The following DNAH5 variants were observed in gnomAD, a reference collection of about 807,000 sequenced individuals.
DNAH5 encodes dynein axonemal heavy chain 5.
In DNAH5, 372 loss-of-function variants were observed where a neutral mutation model predicts 518.2. The ratio of observed to expected loss-of-function variants is 0.72; its 90% CI spans 0.66 to 0.78. DNAH5 has a LOEUF of 0.78. Among genes scored for constraint, DNAH5 ranks in the 30% least tolerant of loss-of-function variants. The pLI is 0.00. For synonymous variants in DNAH5, 2,039 were observed against 2,025.9 expected, an observed-to-expected ratio of 1.01 and a Z score of -0.17; for missense variants, 5,523 against 5,687.0, an observed-to-expected ratio of 0.97 and a Z score of 0.93.
intron 47 of DNAH5, among the ~76,000 whole-genome samples, chr5:13,804,110 T>A (rs1332071216): frequency 6.6e-6 from 1 of 152,160 alleles, no homozygotes; most frequent in African/African-American, 2.4e-5. Flanking sequence ...TTAATATTAG[T>A]TCGGGGGGAA....
chr5:13,883,960 A>T (rs987192088), intron 19 of DNAH5, among the ~76,000 whole-genome samples: 20 of 152,146 alleles, frequency 1.3e-4, no homozygotes, highest in African/African-American at 4.8e-4. Flanking sequence ...ATATTTAAAA[A>T]TTTTATTATC....
rs925419982 is a variant in DNAH5 at position 13,708,105 on chromosome 5, C to A, written c.13338+18G>T. 6.2e-7 allele frequency: 1 copy of A among 1,612,698 alleles called. No individual in the cohort carries two copies. Among genetic ancestry groups the A allele is most frequent in the Non-Finnish European group, 8.5e-7 (1 of 1,178,768 alleles). ...AATCATAAGTGAACAGGCAGAATAA[C>A]AGCAGGCTTATACGTACTTTTTTCC... is the stretch of plus-strand genomic sequence containing the variant. On this transcript the variant is annotated intron_variant, in intron 76 of 78. Coordinates refer to ENST00000265104, the MANE Select transcript of DNAH5 (RefSeq NM_001369.3).
At chr5:13,741,471 T>G (rs537685159) in intron 65 of DNAH5, among the ~76,000 whole-genome samples, 1 of 152,198 alleles carries the variant, frequency 6.6e-6, no homozygotes, top group East Asian at 1.9e-4. Context: ...GAAAGCTCCC[T>G]TAGTGGTTAT....
At chr5:13,778,144 A>T (rs887289705) in intron 53 of DNAH5, among the ~76,000 whole-genome samples, 4 of 152,180 alleles carry the variant, frequency 2.6e-5, no homozygotes, top group African/African-American at 4.8e-5. Flanking sequence ...CTGATTTTTT[A>T]AAAACTAGTG....
chr5:13,771,879 G>A (rs1484214324), intron 55 of DNAH5, among the ~76,000 whole-genome samples: 1 of 152,120 alleles, frequency 6.6e-6, no homozygotes, highest in Non-Finnish European at 1.5e-5. Context: ...GGCTTAAAAA[G>A]GCAAAGACAT....
chr5:13,950,293 T>G (rs1300058986), intron 1 of DNAH5, among the ~76,000 whole-genome samples: 1 of 152,172 alleles, frequency 6.6e-6, no homozygotes, highest in Non-Finnish European at 1.5e-5. Flanking sequence ...TACTTGTATT[T>G]TTTTTTTGAG....
At chr5:13,726,790 T>C (rs1365612732) in intron 70 of DNAH5, among the ~76,000 whole-genome samples, 1 of 152,210 alleles carries the variant, frequency 6.6e-6, no homozygotes, top group Non-Finnish European at 1.5e-5. Context: ...ATATCTTACA[T>C]TCTATTATAA....
Position 13,814,696 on chromosome 5 carries a change from T to A in DNAH5, c.7139A>T (p.His2380Leu). 1.2e-6 allele frequency: 2 copies of A among 1,614,104 alleles called. No homozygotes were observed. The highest frequency in any genetic ancestry group is 1.7e-6 in the Non-Finnish European group (2 of 1,179,982). The change falls in exon 43 of 79, where the codon CAT becomes CTT. Residue 2380 changes from histidine to leucine, a missense_variant. Coordinates refer to ENST00000265104, the MANE Select transcript of DNAH5 (RefSeq NM_001369.3). ...APNCKIIFEP[H>L]NIDNASPATV... ...GGCAGGAGAAGCATTGTCAATGTTA[T>A]GAGGCTCGAAAATGATCTTGCAGTT...
chr5:13,842,443 G>GAAAGAAAGAA (rs1765354810), intron 32 of DNAH5, among the ~76,000 whole-genome samples: 1 of 93,006 alleles, frequency 1.1e-5, no homozygotes, highest in Non-Finnish European at 2.2e-5. Context: ...AAGAAAGAAA[G>GAAAGAAAGAA]AAAGAAAGAA....
rs758724681 is a variant in DNAH5, at chr5:13,768,949, CAT to C, written c.9897+9_9897+10del. The C allele has an allele frequency of 1.2e-6, 2 of 1,614,110 alleles. No individual in the cohort carries two copies. The highest frequency in any genetic ancestry group is 2.2e-5 in the South Asian group (2 of 91,088). On this transcript the variant is annotated intron_variant, in intron 58 of 78. Coordinates refer to ENST00000265104, the MANE Select transcript of DNAH5 (RefSeq NM_001369.3). ...CCTAAAGCTGACATCTGTTATATCA[CAT>C]AGATGCACCTGCAATGCAGCTTCTG... is the stretch of plus-strand genomic sequence containing the variant.
At chr5:13,884,851 A>C (rs10866504) in intron 19 of DNAH5, 138 bp downstream of exon 19, 1 of 1,358,074 alleles carries the variant, frequency 7.4e-7, no homozygotes, top group Non-Finnish European at 9.9e-7. Flanking sequence ...ATAAAAATTT[A>C]AAAAAAGATG....
Position 13,862,860 on chromosome 5 carries a change from A to ATAAATATG in DNAH5, c.4597-114_4597-113insCATATTTA, listed in dbSNP as rs1554081834. ...TTGCTTCATATATATATAAATATAT[A>ATAAATATG]TATAAACTTTTATATTTCCAGACCT... On this transcript the variant is annotated intron_variant, in intron 28 of 78. Transcript: ENST00000265104. 1.7e-5 allele frequency: 5 copies of ATAAATATG among 292,956 alleles called. No homozygotes were observed. In the Admixed American group the frequency reaches 2.6e-4, roughly 15 times the overall value. 18.1% of individuals were successfully genotyped at this position (292,956 alleles called of 1,614,324 possible). A position where few individuals can be genotyped will look rare whatever the true frequency, so the allele number is the denominator to read the frequency against.
In DNAH5 at chr5:13,776,686, T is replaced by A; in HGVS notation, c.9126A>T (p.Arg3042=). 6.2e-7 allele frequency: 1 copy of A among 1,613,728 alleles called. No individual in the cohort carries two copies. Among genetic ancestry groups the A allele is most frequent in the South Asian group, 1.1e-5 (1 of 91,076 alleles). Residue 3042 remains arginine, a synonymous_variant, in exon 55 of 79, where the codon CGA becomes CGT. Transcript: ENST00000265104. ...CGCTATTAATTTCATCAATTTCATCTCGAGCAAATAGGTTAGAGACCTTAA... is the reference window on the plus strand; with the variant it reads ...CGCTATTAATTTCATCAATTTCATCACGAGCAAATAGGTTAGAGACCTTAA... The part of the protein sequence containing the change: ...SSGEVSNLFA[R]DEIDEINSDL...
chr5:13,949,829 T>C (rs1780240037), intron 1 of DNAH5, among the ~76,000 whole-genome samples: 1 of 152,190 alleles, frequency 6.6e-6, no homozygotes, highest in Non-Finnish European at 1.5e-5. Flanking sequence ...CACATACCTG[T>C]AGAAATAATG....
intron 42 of DNAH5, among the ~76,000 whole-genome samples, chr5:13,817,130 C>G (rs539226793): frequency 6.6e-6 from 1 of 152,320 alleles, no homozygotes; most frequent in Non-Finnish European, 1.5e-5. Context: ...ACAATTTTCT[C>G]TCCCAAACAA....
At chr5:13,855,732 C>T (rs1995387) in intron 30 of DNAH5, among the ~76,000 whole-genome samples, 9,398 of 152,096 alleles carry the variant, frequency 0.062, 304 homozygotes, top group African/African-American at 0.079. Context: ...CTAATATCGA[C>T]CACATAATTG....
chr5:13,897,637 T>C (rs868113424), intron 15 of DNAH5: 3 of 152,242 alleles, frequency 2.0e-5, no homozygotes, highest in African/African-American at 4.8e-5. Context: ...ACAATAATTC[T>C]GCAACACTTC....
chr5:13,820,424 G>A lies in DNAH5; in HGVS notation c.6763C>T (p.Arg2255Ter), dbSNP rs745918507. ...GGCCCCAGAGTCATCATCCCATGTC[G>A]CACTCTCTGCGTTTCGAATAGCTGG... ...VIQLFETQRV[R>*]HGMMTLGPSG... Residue 2255 changes from arginine to a stop codon, truncating the protein, a stop_gained, in exon 41 of 79, where the codon CGA becomes TGA. Transcript: ENST00000265104. LOFTEE classifies it high-confidence loss of function. 2.0e-5 allele frequency: 33 copies of A among 1,613,686 alleles called. No individual in the cohort carries two copies. Among genetic ancestry groups the A allele is most frequent in the African/African-American group, 4.0e-5 (3 of 74,860 alleles).
At position 13,701,413 on chromosome 5, in the gene DNAH5, C is replaced by T; in HGVS notation, c.13362G>A (p.Leu4454=). The change falls in exon 77 of 79, where the codon CTG becomes CTA. Residue 4454 remains leucine (L), a synonymous_variant. Transcript: ENST00000265104. The stretch of plus-strand genomic sequence containing the variant: ...CTATAAGTTCAGTAAACCAGAAACC[C>T]AGTGTACTAGAAATCCAAGAAGCCT... ...WKKASWISST[L]GFWFTELIER... The T allele has an allele frequency of 6.2e-7, 1 of 1,613,034 alleles. No individual in the cohort carries two copies. The highest frequency in any genetic ancestry group is 8.5e-7 in the Non-Finnish European group (1 of 1,179,384).
Sources: gnomAD v4.1 joint callset for allele counts (sites outside exome capture counted in the v4.1 genomes callset) on GRCh38, gnomAD v4.1.1 for gene constraint, MANE v1.5 for transcripts, NCBI Gene and HGNC (gene_info 2026-07-23, HGNC 2026-07-21) for gene names.